Variants in ASCC3 observed in about 807,000 individuals in gnomAD.
ASCC3 encodes the protein ASC-1 complex subunit P200.
ASCC3 carries 158 observed loss-of-function variants against 256.3 expected under a neutral mutation model. That is an observed-to-expected ratio of 0.62 (90% CI 0.54 to 0.70). The LOEUF is 0.70. Ranked by LOEUF, ASCC3 falls within the 30% of genes least tolerant of loss-of-function variation. The pLI, the probability that ASCC3 is intolerant of heterozygous loss-of-function variation, is 0.00. For missense variants in ASCC3, 2,259 were observed against 2,626.0 expected (o/e 0.86, Z 3.05); for synonymous variants, 948 against 883.4 (o/e 1.07, Z -1.30).
At chr6:100,711,615 A>G (rs1328901070) in intron 13 of ASCC3, among the ~76,000 whole-genome samples, 2 of 152,198 alleles carry the variant, frequency 1.3e-5, no homozygotes, top group Non-Finnish European at 2.9e-5. Flanking sequence ...CTGTAATCCC[A>G]GCTACTTGGG....
intron 10 of ASCC3, among the ~76,000 whole-genome samples, chr6:100,730,348 A>C (rs1472210259): frequency 7.3e-6 from 1 of 136,140 alleles, no homozygotes; most frequent in Non-Finnish European, 1.6e-5. Context: ...TACCAAGTAT[A>C]TTTTCAAAAT....
chr6:100,728,264 G>T (rs987667710), intron 10 of ASCC3, among the ~76,000 whole-genome samples: 1 of 151,942 alleles, frequency 6.6e-6, no homozygotes, highest in South Asian at 2.1e-4. Flanking sequence ...GAGAGAGTGA[G>T]AGACAGATAG....
intron 13 of ASCC3, among the ~76,000 whole-genome samples, chr6:100,692,149 T>G (rs1777876116): frequency 6.6e-6 from 1 of 152,082 alleles, no homozygotes; most frequent in African/African-American, 2.4e-5. Flanking sequence ...AAAACTGAAC[T>G]ACTATTTACA....
intron 8 of ASCC3, among the ~76,000 whole-genome samples, chr6:100,782,124 C>T (rs1782478227): frequency 6.6e-6 from 1 of 152,042 alleles, no homozygotes. Context: ...ACTGTATAGT[C>T]CAACTAGGGT....
chr6:100,746,162 A>G (rs1388027217), intron 10 of ASCC3, among the ~76,000 whole-genome samples: 1 of 150,432 alleles, frequency 6.6e-6, no homozygotes, highest in African/African-American at 2.4e-5. Context: ...TTTTAAAATA[A>G]AGAAACTAAA....
At chr6:100,552,367 CTT>C (rs1769342949) in intron 36 of ASCC3, among the ~76,000 whole-genome samples, 1 of 151,836 alleles carries the variant, frequency 6.6e-6, no homozygotes, top group Admixed American at 6.6e-5. Flanking sequence ...ATTTTTAAAA[CTT>C]ATGCTTTACT....
chr6:100,693,804 A>T (rs1244125487), intron 13 of ASCC3, among the ~76,000 whole-genome samples: 3 of 152,070 alleles, frequency 2.0e-5, no homozygotes, highest in South Asian at 2.1e-4. Flanking sequence ...CAGTTTAAAA[A>T]TTTTTTTTAG....
At chr6:100,845,520 T>C (rs1234436969) in intron 4 of ASCC3, among the ~76,000 whole-genome samples, 1 of 152,154 alleles carries the variant, frequency 6.6e-6, no homozygotes, top group African/African-American at 2.4e-5. Flanking sequence ...TTTCAGTTCT[T>C]AGGGCTTCTA....
intron 8 of ASCC3, among the ~76,000 whole-genome samples, chr6:100,793,201 A>AATAGAGAAGTT (rs1361422105): frequency 6.6e-6 from 1 of 152,040 alleles, no homozygotes; most frequent in Non-Finnish European, 1.5e-5. Flanking sequence ...GAAAAAGTCA[A>AATAGAGAAGTT]ATAGAGAAGT....
At chr6:100,825,932 A>C (rs1771285009) in intron 4 of ASCC3, among the ~76,000 whole-genome samples, 1 of 151,926 alleles carries the variant, frequency 6.6e-6, no homozygotes, top group Non-Finnish European at 1.5e-5. Flanking sequence ...TGAACATAGT[A>C]TTTCAAATAT....
intron 4 of ASCC3, among the ~76,000 whole-genome samples, chr6:100,833,620 AG>A (rs1241218335): frequency 1.3e-5 from 2 of 152,228 alleles, no homozygotes; most frequent in Non-Finnish European, 2.9e-5. Context: ...TCCAAAAATT[AG>A]TTTATTAATT....
chr6:100,760,804 GA>G (rs1458079519), intron 10 of ASCC3, among the ~76,000 whole-genome samples: 3 of 152,088 alleles, frequency 2.0e-5, no homozygotes, highest in Admixed American at 2.0e-4. Context: ...GAACAGATTG[GA>G]AAATAAAACA....
intron 37 of ASCC3, among the ~76,000 whole-genome samples, chr6:100,523,186 G>A (rs1338937295): frequency 2.0e-5 from 3 of 151,782 alleles, no homozygotes; most frequent in East Asian, 1.9e-4. Context: ...TAAATTAGCT[G>A]TAATATCTTG....
At chr6:100,697,580 C>T (rs1405653380) in intron 13 of ASCC3, among the ~76,000 whole-genome samples, 2 of 151,226 alleles carry the variant, frequency 1.3e-5, no homozygotes, top group East Asian at 3.9e-4. Context: ...ATAAACAAAA[C>T]TACTTGTTTT....
intron 8 of ASCC3, among the ~76,000 whole-genome samples, chr6:100,777,924 G>A (rs1240579125): frequency 6.6e-6 from 1 of 151,996 alleles, no homozygotes; most frequent in African/African-American, 2.4e-5. Context: ...GCTGTCTCTG[G>A]CTACCATGTG....
rs1468785016 is a variant in ASCC3 at position 100,687,139 on chromosome 6, A to G, written c.2152-7387T>C. On this transcript the variant is annotated intron_variant, in intron 13 of 41. Transcript: ENST00000369162. ...TAAGTGAAAAAATATCAATTGAAGA[A>G]AAATTTCCATAATATTATCCTGAGT... Among the ~76,000 whole-genome samples, 3 of 151,326 alleles carry G rather than the reference A, an allele frequency of 2.0e-5. No homozygotes were observed. The East Asian group carries it at 5.8e-4, about 29-fold the overall frequency.
chr6:100,540,256 CAGG>C lies in ASCC3; in HGVS notation c.5679_5681del (p.Leu1895del), dbSNP rs765687530. 3.1e-6 allele frequency: 5 copies of C among 1,613,748 alleles called. No homozygotes were observed. Among genetic ancestry groups the C allele is most frequent in the Admixed American group, 1.7e-5 (1 of 59,960 alleles). Reference sequence around the variant, plus strand: ...TGGCTCGGCTGAGATGTGCCTGTAGCAGGAGATGTGCTTTGGTGTGAGGGCTGT... The same window carrying C: ...TGGCTCGGCTGAGATGTGCCTGTAGCAGATGTGCTTTGGTGTGAGGGCTGT... On this transcript the variant is annotated inframe_deletion, in exon 37 of 42. Coordinates refer to ENST00000369162, the MANE Select transcript of ASCC3 (RefSeq NM_006828.4).
At chr6:100,770,028 C>T (rs906988018) in intron 8 of ASCC3, among the ~76,000 whole-genome samples, 1 of 151,654 alleles carries the variant, frequency 6.6e-6, no homozygotes, top group Non-Finnish European at 1.5e-5. Flanking sequence ...GAAATAATAT[C>T]AATTTTAAGT....
intron 24 of ASCC3, among the ~76,000 whole-genome samples, chr6:100,641,033 A>C (rs1338794453): frequency 6.6e-6 from 1 of 152,198 alleles, no homozygotes; most frequent in Non-Finnish European, 1.5e-5. Flanking sequence ...GCCCTCTTAA[A>C]ATCAATTCTG....
Sources: allele counts gnomAD v4.1 joint callset (sites outside exome capture counted in the v4.1 genomes callset), GRCh38; gene constraint gnomAD v4.1.1; transcripts MANE v1.5; gene names NCBI Gene and HGNC (gene_info 2026-07-23, HGNC 2026-07-21).